Variants in SVIP observed in about 807,000 individuals in gnomAD.
The protein encoded by SVIP is small VCP/p97-interacting protein.
In SVIP, 14 loss-of-function variants were observed where a neutral mutation model predicts 12.9. The observed-to-expected ratio is 1.08, with a 90% CI of 0.72 to 1.70. The LOEUF (loss-of-function observed/expected upper bound fraction) is 1.70, where lower values mean the gene tolerates loss of function less well. Among genes scored for constraint, SVIP ranks in the 40% most tolerant of loss-of-function variants. SVIP has a pLI of 0.00. For missense variants in SVIP, 93 were observed against 90.8 expected (o/e 1.02, Z -0.10); for synonymous variants, 35 against 33.3 (o/e 1.05, Z -0.17).
chr11:22,820,063 A>T lies in SVIP; in HGVS notation c.*3056T>A, dbSNP rs1349866509. 2 of 152,238 alleles carry T rather than the reference A, an allele frequency of 1.3e-5. No individual in the cohort carries two copies. Among genetic ancestry groups the T allele is most frequent in the Non-Finnish European group, 2.9e-5 (2 of 68,038 alleles). 9.4% of individuals were successfully genotyped at this position (152,238 alleles called of 1,614,324 possible). A position where few individuals can be genotyped will look rare whatever the true frequency, so the allele number is the denominator to read the frequency against. On this transcript the variant is annotated 3_prime_UTR_variant, in exon 4 of 4. Transcript: ENST00000354193. ...AGCTTTTGAGAAAATTGAAGAAAAA[A>T]GCCACAATACTATATTTGAATTAGC...
intron 3 of SVIP, among the ~76,000 whole-genome samples, chr11:22,825,398 T>C (rs995026107): frequency 1.3e-5 from 2 of 152,076 alleles, no homozygotes; most frequent in Non-Finnish European, 2.9e-5. Flanking sequence ...GAAGCTAGTG[T>C]GGTAGTGGTA....
chr11:22,824,445 C>A (rs181809477), intron 3 of SVIP, among the ~76,000 whole-genome samples: 3 of 105,982 alleles, frequency 2.8e-5, no homozygotes, highest in Non-Finnish European at 4.3e-5. Flanking sequence ...TACACACACA[C>A]ATATATATAT....
chr11:22,824,449 TATATATATATACACATATATATAC>T (rs1857604567), intron 3 of SVIP, among the ~76,000 whole-genome samples: 1 of 99,850 alleles, frequency 1.0e-5, no homozygotes, highest in Non-Finnish European at 2.4e-5. Flanking sequence ...CACACACATA[TATATATATATACACATATATATAC>T]GTATATATAT....
In SVIP at chr11:22,820,443, T is replaced by A. The variant is rs545869696; in HGVS notation, c.*2676A>T. 3.3e-4 allele frequency: 51 copies of A among 152,266 alleles called. No homozygotes were observed. The highest frequency in any genetic ancestry group is 1.2e-3 in the African/African-American group (50 of 41,558). 9.4% of individuals were successfully genotyped at this position (152,266 alleles called of 1,614,324 possible). Reference sequence around the variant, plus strand: ...CCTTTATAGAAAATCCACCTATAAATCCAGGGATTGTATGAACACACCAAA... The same window carrying A: ...CCTTTATAGAAAATCCACCTATAAAACCAGGGATTGTATGAACACACCAAA... On this transcript the variant is annotated 3_prime_UTR_variant, in exon 4 of 4. Coordinates refer to ENST00000354193, the MANE Select transcript of SVIP (RefSeq NM_148893.3).
At position 22,822,859 on chromosome 11, in the gene SVIP, A is replaced by AT; in HGVS notation, c.*259dup. 4.6e-6 allele frequency: 2 copies of AT among 430,418 alleles called. No individual in the cohort carries two copies. The highest frequency in any genetic ancestry group is 3.6e-5 in the South Asian group (1 of 28,008). The allele number at this position is 430,418 out of a possible 1,614,324, so 26.7% of individuals were successfully genotyped here. A position where few individuals can be genotyped will look rare whatever the true frequency, so the allele number is the denominator to read the frequency against. On this transcript the variant is annotated 3_prime_UTR_variant, in exon 4 of 4. Coordinates refer to ENST00000354193, the MANE Select transcript of SVIP (RefSeq NM_148893.3). Reference sequence around the variant, plus strand: ...GTATGTATATTCACTATTTAGTTCCATTTTTTAACTACTAAGAAAAATAGC... The same window carrying AT: ...GTATGTATATTCACTATTTAGTTCCATTTTTTTAACTACTAAGAAAAATAGC...
At chr11:22,828,047 A>G (rs117104232) in intron 1 of SVIP, among the ~76,000 whole-genome samples, 173 bp from the exon 2 acceptor site, 3 of 152,336 alleles carry the variant, frequency 2.0e-5, no homozygotes, top group East Asian at 1.9e-4. Flanking sequence ...CCTAATCAAT[A>G]TGCCTTCAAA....
At chr11:22,827,000 T>G (rs1857732529) in intron 3 of SVIP, among the ~76,000 whole-genome samples, 1 of 152,120 alleles carries the variant, frequency 6.6e-6, no homozygotes, top group Non-Finnish European at 1.5e-5. Context: ...ATAATAAATC[T>G]ATTATTTCAT....
rs1249495515 is a variant in SVIP at position 22,827,322 on chromosome 11, T to G, written c.106-2A>C. On this transcript the variant is annotated splice_acceptor_variant, in intron 2 of 3. Coordinates refer to ENST00000354193, the MANE Select transcript of SVIP (RefSeq NM_148893.3). LOFTEE classifies it high-confidence loss of function. ...ATCTAAAATTCCCCGAGATGCAGCC[T>G]TGAAGAAATTTGATAAGAAAAACAG... The G allele has an allele frequency of 1.9e-6, 3 of 1,586,502 alleles. No homozygotes were observed. In the East Asian group the frequency reaches 6.9e-5, roughly 36 times the overall value.
At chr11:22,827,549 T>C (rs185336760) in intron 2 of SVIP, among the ~76,000 whole-genome samples, 1,571 of 152,218 alleles carry the variant, frequency 0.01, 24 homozygotes, top group South Asian at 0.031. Flanking sequence ...TTCACATCTG[T>C]AAGTATTTTA....
rs1370571855 is a variant in SVIP, at chr11:22,822,386, A to C, written c.*733T>G. The stretch of plus-strand genomic sequence containing the variant: ...TCCAGATTATTAGTTTAACTCATTC[A>C]ATTACTACAAAGATCCTTACAGAGC... On this transcript the variant is annotated 3_prime_UTR_variant, in exon 4 of 4. Coordinates refer to ENST00000354193, the MANE Select transcript of SVIP (RefSeq NM_148893.3). The C allele has an allele frequency of 6.6e-6, 1 of 152,180 alleles. No homozygotes were observed. The highest frequency in any genetic ancestry group is 1.5e-5 in the Non-Finnish European group (1 of 67,992). 9.4% of individuals were successfully genotyped at this position (152,180 alleles called of 1,614,324 possible).
At chr11:22,829,102 C>T (rs7947082) in intron 1 of SVIP, among the ~76,000 whole-genome samples, 4,661 of 152,116 alleles carry the variant, frequency 0.031, 206 homozygotes, top group African/African-American at 0.1. Context: ...ACTGGGTGTC[C>T]AGTATTTTTA....
At chr11:22,823,200 A>G (rs1209967272) in intron 3 of SVIP, 67 bp from the exon 4 acceptor site, 5 of 1,173,866 alleles carry the variant, frequency 4.3e-6, no homozygotes, top group Non-Finnish European at 6.1e-6. Flanking sequence ...TACTTCAGTG[A>G]ACAAACAGGT....
rs559596925 is a variant in SVIP at position 22,820,250 on chromosome 11, T to C, written c.*2869A>G. The C allele has an allele frequency of 6.6e-6, 1 of 152,218 alleles. No homozygotes were observed. The highest frequency in any genetic ancestry group is 2.1e-4 in the South Asian group (1 of 4,826). The allele number at this position is 152,218 out of a possible 1,614,324, so 9.4% of individuals were successfully genotyped here. ...AAACTGGCAAGAGCTGCTTTTGTCT[T>C]CTAAGAACATAGCATAATGCTTATC... On this transcript the variant is annotated 3_prime_UTR_variant, in exon 4 of 4. Transcript: ENST00000354193.
rs1857538182 is a variant in SVIP at position 22,823,031 on chromosome 11, CA to C, written c.*87del. 2 of 1,174,620 alleles carry C rather than the reference CA, an allele frequency of 1.7e-6. No individual in the cohort carries two copies. Among genetic ancestry groups the C allele is most frequent in the Admixed American group, 5.4e-5 (2 of 37,018 alleles). 72.8% of individuals were successfully genotyped at this position (1,174,620 alleles called of 1,614,324 possible). A position where few individuals can be genotyped will look rare whatever the true frequency, so the allele number is the denominator to read the frequency against. On this transcript the variant is annotated 3_prime_UTR_variant, in exon 4 of 4. Transcript: ENST00000354193. The stretch of plus-strand genomic sequence containing the variant: ...TACAAAGTCTGAATCTTCATTTACT[CA>C]AAGAGAAGAAATTAAATTGATGAAG...
chr11:22,829,695 C>T lies in SVIP; in HGVS notation c.54G>A (p.Leu18=), dbSNP rs756836198. 3 of 1,601,024 alleles carry T rather than the reference C, an allele frequency of 1.9e-6. No homozygotes were observed. Among genetic ancestry groups the T allele is most frequent in the Non-Finnish European group, 8.5e-7 (1 of 1,174,812 alleles). The change falls in exon 1 of 4, where the codon CTG becomes CTA. Residue 18 remains leucine (L), a splice_region_variant and synonymous_variant. Transcript: ENST00000354193. ...PGESAPPTPD[L]EEKRAKLAEA... ...GGACGCAGGGACCTGCTCTACTCACCAGGTCCGGCGTGGGAGGCGCGGACT... is the reference window on the plus strand; with the variant it reads ...GGACGCAGGGACCTGCTCTACTCACTAGGTCCGGCGTGGGAGGCGCGGACT...
At chr11:22,828,082 A>G (rs1857790742) in intron 1 of SVIP, among the ~76,000 whole-genome samples, 1 of 152,220 alleles carries the variant, frequency 6.6e-6, no homozygotes, top group Non-Finnish European at 1.5e-5. Context: ...AACAGATACA[A>G]GGTTTACCTA....
intron 2 of SVIP, 43 bp downstream of exon 2, chr11:22,827,781 A>G: frequency 6.6e-7 from 1 of 1,524,116 alleles, no homozygotes; most frequent in East Asian, 2.3e-5. Context: ...ATAAAGTCCA[A>G]ACTCAATTAT....
chr11:22,824,112 C>A (rs1590170016), intron 3 of SVIP, among the ~76,000 whole-genome samples: 2 of 152,066 alleles, frequency 1.3e-5, no homozygotes, highest in East Asian at 1.9e-4. Context: ...GCACAGTGAA[C>A]CTGCTATTCA....
At position 22,825,200 on chromosome 11, in the gene SVIP, A is replaced by G. The variant is rs111413321; in HGVS notation, c.219+2007T>C. Among the ~76,000 whole-genome samples, 257 of 152,166 alleles carry G rather than the reference A, an allele frequency of 1.7e-3. 3 individuals are homozygous for G. Among genetic ancestry groups the G allele is most frequent in the Middle Eastern group, 0.014 (4 of 290 alleles). ...TTCCTACCTTAGGAAGACTCTACCA[A>G]TACTTCAGGCCAGCCCATGAAACAA... On this transcript the variant is annotated intron_variant, in intron 3 of 3. Coordinates refer to ENST00000354193, the MANE Select transcript of SVIP (RefSeq NM_148893.3).
Sources: gnomAD v4.1 joint callset for allele counts (sites outside exome capture counted in the v4.1 genomes callset) on GRCh38, gnomAD v4.1.1 for gene constraint, MANE v1.5 for transcripts, NCBI Gene and HGNC (gene_info 2026-07-23, HGNC 2026-07-21) for gene names.